Variants in SSC4D observed in about 807,000 individuals in gnomAD.
SSC4D encodes scavenger receptor cysteine rich family member with 4 domains.
Under a neutral mutation model 63.4 loss-of-function variants are expected in SSC4D, and 57 were observed. That is an observed-to-expected ratio of 0.90 (90% CI 0.73 to 1.12). The LOEUF (loss-of-function observed/expected upper bound fraction) is 1.12, where lower values mean the gene tolerates loss of function less well. SSC4D is among the 50% of genes most tolerant of loss of function. The pLI, the probability that SSC4D is intolerant of heterozygous loss-of-function variation, is 0.00. For synonymous variants in SSC4D, 352 were observed against 345.4 expected (o/e 1.02, Z -0.21); for missense variants, 791 against 806.4 (o/e 0.98, Z 0.23).
intron 6 of SSC4D, 108 bp from the exon 7 acceptor site, chr7:76,395,438 T>C (rs2115754339): frequency 8.6e-7 from 1 of 1,158,128 alleles, no homozygotes; most frequent in East Asian, 2.5e-5. Flanking sequence ...AGAGAATAGA[T>C]GTTACTTCCA....
Position 76,389,890 on chromosome 7 carries a change from G to A in SSC4D, c.*169C>T. The A allele has an allele frequency of 1.3e-6, 1 of 777,720 alleles. No homozygotes were observed. The highest frequency in any genetic ancestry group is 1.8e-5 in the South Asian group (1 of 55,238). The allele number at this position is 777,720 out of a possible 1,614,324, so 48.2% of individuals were successfully genotyped here. ...TGAGGTCACGCAGTAAGTGGACGGG[G>A]GTACAGCCAGGCTCCCCCAAGCAGG... On this transcript the variant is annotated 3_prime_UTR_variant, in exon 11 of 11. Transcript: ENST00000275560.
In SSC4D at chr7:76,393,441, A is replaced by G. The variant is rs753662965; in HGVS notation, c.1297T>C (p.Cys433Arg). 6.6e-7 allele frequency: 1 copy of G among 1,518,922 alleles called. No homozygotes were observed. The highest frequency in any genetic ancestry group is 2.0e-5 in the Admixed American group (1 of 49,520). The allele number at this position is 1,518,922 out of a possible 1,614,324, so 94.1% of individuals were successfully genotyped here. ...GCTCCCGCGTCCTCGTGGTGGCCGCAGTTGTGCTGGCCCCAGCCCAGGTGG... is the reference window on the plus strand; with the variant it reads ...GCTCCCGCGTCCTCGTGGTGGCCGCGGTTGTGCTGGCCCCAGCCCAGGTGG... ...CFHLGWGQHNCGHHEDAGALC... is the reference protein window; with the variant it reads ...CFHLGWGQHNRGHHEDAGALC... Residue 433 changes from cysteine to arginine, a missense_variant, in exon 9 of 11, where the codon TGC becomes CGC. Physicochemically the swap from Cys to Arg is radical, Grantham distance 180 (BLOSUM62 -3). Coordinates refer to ENST00000275560, the MANE Select transcript of SSC4D (RefSeq NM_080744.2).
chr7:76,390,517 T>C, intron 10 of SSC4D, 142 bp from the exon 11 acceptor site: 1 of 781,814 alleles, frequency 1.3e-6, no homozygotes, highest in Non-Finnish European at 2.0e-6. Flanking sequence ...ACACATGAAA[T>C]TAAAGTAAGA....
chr7:76,392,686 G>A (rs1049873673), intron 9 of SSC4D, among the ~76,000 whole-genome samples: 4 of 152,098 alleles, frequency 2.6e-5, no homozygotes, highest in African/African-American at 4.8e-5. Flanking sequence ...CAGCTACTCT[G>A]GAGGTTGAGC....
In SSC4D at chr7:76,404,488, A is replaced by T. The variant is rs11773653; in HGVS notation, c.-49T>A. 309,988 of 1,612,872 alleles carry T rather than the reference A, an allele frequency of 0.19. 31,980 individuals are homozygous for T. Among genetic ancestry groups the T allele is most frequent in the Middle Eastern group, 0.24 (1,376 of 5,838 alleles). On this transcript the variant is annotated 5_prime_UTR_variant, in exon 2 of 11. Coordinates refer to ENST00000275560, the MANE Select transcript of SSC4D (RefSeq NM_080744.2). The stretch of plus-strand genomic sequence containing the variant: ...ATGCTCCCATCAAGGCGCCAGGGAG[A>T]AGTCACAGTTGGAACATCTGAAATT...
chr7:76,407,656 C>T (rs559698700), intron 1 of SSC4D, among the ~76,000 whole-genome samples: 13 of 152,034 alleles, frequency 8.6e-5, no homozygotes, highest in Non-Finnish European at 1.9e-4. Flanking sequence ...TCACTTGAGC[C>T]CAGGAGTTCA....
chr7:76,393,895 A>T lies in SSC4D; in HGVS notation c.956T>A (p.Val319Asp). ...AWQTDPSATG[V>D]GPQPSRETAL... is the part of the protein sequence containing the mutation. ...TGTCTCCCGGGAAGGCTGGGGGCCA[A>T]CTCCTGTAGCTGTGGAGACAGGGCA... Residue 319 changes from valine (V) to aspartate (D), a missense_variant, in exon 8 of 11, where the codon GTT (valine) becomes GAT (aspartate). Val to Asp is a radical substitution (Grantham distance 152, BLOSUM62 -3). Transcript: ENST00000275560. The T allele has an allele frequency of 6.2e-7, 1 of 1,603,906 alleles. No individual in the cohort carries two copies. The highest frequency in any genetic ancestry group is 8.5e-7 in the Non-Finnish European group (1 of 1,174,820).
intron 9 of SSC4D, among the ~76,000 whole-genome samples, chr7:76,392,817 T>G (rs1584016017): frequency 6.7e-6 from 1 of 148,406 alleles, no homozygotes. Context: ...AAGAAATAGG[T>G]GTTGTGCCTC....
intron 5 of SSC4D, among the ~76,000 whole-genome samples, chr7:76,398,461 C>T (rs145297129): frequency 0.01 from 1,567 of 152,030 alleles, 33 homozygotes; most frequent in African/African-American, 0.036. Flanking sequence ...TATGCCACCA[C>T]GCCTGGCTAA....
Position 76,393,461 on chromosome 7 carries a change from A to T in SSC4D, c.1277T>A (p.Leu426Gln). Residue 426 changes from leucine (L) to glutamine (Q), a missense_variant, in exon 9 of 11, where the codon CTG becomes CAG. Physicochemically the swap from Leu to Gln is moderately radical, Grantham distance 113 (BLOSUM62 -2). Coordinates refer to ENST00000275560, the MANE Select transcript of SSC4D (RefSeq NM_080744.2). Reference sequence around the variant, plus strand: ...GCCGCAGTTGTGCTGGCCCCAGCCCAGGTGGAAGCAGTCGCTCAGGCGAGC... The same window carrying T: ...GCCGCAGTTGTGCTGGCCCCAGCCCTGGTGGAAGCAGTCGCTCAGGCGAGC... ...TEARLSDCFH[L>Q]GWGQHNCGHH... 6.5e-7 allele frequency: 1 copy of T among 1,535,152 alleles called. No individual in the cohort carries two copies. The highest frequency in any genetic ancestry group is 1.2e-5 in the South Asian group (1 of 83,056).
chr7:76,404,429 T>G lies in SSC4D; in HGVS notation c.11A>C (p.Glu4Ala), dbSNP rs753320618. 2 of 1,614,070 alleles carry G rather than the reference T, an allele frequency of 1.2e-6. No individual in the cohort carries two copies. The highest frequency in any genetic ancestry group is 3.3e-5 in the Admixed American group (2 of 60,006). Residue 4 changes from glutamate to alanine, a missense_variant, in exon 2 of 11, where the codon GAA becomes GCA. By Grantham distance (107) the Glu-to-Ala change is moderately radical. Transcript: ENST00000275560. ...CTGGGGACCAATTAGCATCTCTGCT[T>G]CCTTGTGCATCTAGATGGTGAAGGG... MHK[E>A]AEMLIGPQLD...
In SSC4D at chr7:76,400,489, TC is replaced by T. The variant is rs1804784493; in HGVS notation, c.271del (p.Asp91ThrfsTer4). On this transcript the variant is annotated frameshift_variant, in exon 4 of 11. Transcript: ENST00000275560. LOFTEE classifies it high-confidence loss of function. ...CAGCTGGCGACACACTACGTTGGCGTCCACCACGTCCCAGTCGTCATCACAG... is the reference window on the plus strand; with the variant it reads ...CAGCTGGCGACACACTACGTTGGCGTCACCACGTCCCAGTCGTCATCACAG... ...SVCDDDWDVV[D>X]ANVVCRQLGC... is the part of the protein sequence containing the mutation. 6.2e-7 allele frequency: 1 copy of T among 1,604,348 alleles called. No individual in the cohort carries two copies. The highest frequency in any genetic ancestry group is 8.5e-7 in the Non-Finnish European group (1 of 1,175,264).
Position 76,404,357 on chromosome 7 carries a change from G to T in SSC4D, c.83C>A (p.Ala28Asp). Reference sequence around the variant, plus strand: ...CAGGGCTTGGGGGAGGAAGGGAGGGGCAGCACTCCCATCTCCCAACCTCCA... The same window carrying T: ...CAGGGCTTGGGGGAGGAAGGGAGGGTCAGCACTCCCATCTCCCAACCTCCA... ...WGWRLGDGSA[A>D]PPFLPQALSF... The change falls in exon 2 of 11, where the codon GCC (alanine) becomes GAC (aspartate). Residue 28 changes from alanine (A) to aspartate (D), a missense_variant. Coordinates refer to ENST00000275560, the MANE Select transcript of SSC4D (RefSeq NM_080744.2). The T allele has an allele frequency of 1.9e-6, 3 of 1,613,380 alleles. No individual in the cohort carries two copies. Among genetic ancestry groups the T allele is most frequent in the South Asian group, 1.1e-5 (1 of 91,046 alleles).
intron 9 of SSC4D, 88 bp downstream of exon 9, chr7:76,393,317 G>C (rs1162387756): frequency 5.6e-6 from 7 of 1,249,708 alleles, no homozygotes; most frequent in Non-Finnish European, 7.1e-6. Context: ...AGTGCCGCAA[G>C]AGAGGCCTCG....
chr7:76,404,340 G>C lies in SSC4D; in HGVS notation c.100C>G (p.Gln34Glu). 1 of 1,611,988 alleles carries C rather than the reference G, an allele frequency of 6.2e-7. No homozygotes were observed. The highest frequency in any genetic ancestry group is 2.2e-5 in the East Asian group (1 of 44,848). ...AGGAGGAGAAGGAAAGACAGGGCTT[G>C]GGGGAGGAAGGGAGGGGCAGCACTC... ...DGSAAPPFLPQALSFLLLLPL... is the reference protein window; with the variant it reads ...DGSAAPPFLPEALSFLLLLPL... The change falls in exon 2 of 11, where the codon CAA (glutamine) becomes GAA (glutamate). Residue 34 changes from glutamine to glutamate, a missense_variant. Physicochemically the swap from Gln to Glu is conservative, Grantham distance 29. Coordinates refer to ENST00000275560, the MANE Select transcript of SSC4D (RefSeq NM_080744.2).
intron 5 of SSC4D, 53 bp from the exon 6 acceptor site, chr7:76,397,885 T>C (rs747960570): frequency 1.4e-6 from 2 of 1,455,836 alleles, no homozygotes; most frequent in African/African-American, 1.4e-5. Context: ...TCTGCCCCCG[T>C]CCGCACCGCA....
intron 3 of SSC4D, 73 bp downstream of exon 3, chr7:76,400,935 T>C (rs1804803702): frequency 6.5e-7 from 1 of 1,542,486 alleles, no homozygotes; most frequent in African/African-American, 1.4e-5. Flanking sequence ...CATCACTTCC[T>C]GTGGTTCCCT....
chr7:76,407,246 C>T (rs1459038651), intron 1 of SSC4D, among the ~76,000 whole-genome samples: 2 of 152,164 alleles, frequency 1.3e-5, no homozygotes, highest in Non-Finnish European at 2.9e-5. Context: ...CAGGTGTGAG[C>T]CACCAGGCTT....
rs540476840 is a variant in SSC4D at position 76,397,447 on chromosome 7, T to G, written c.868+71A>C. 1.9e-3 allele frequency: 2,714 copies of G among 1,427,542 alleles called. 3 individuals are homozygous for G. Among genetic ancestry groups the G allele is most frequent in the Admixed American group, 4.9e-3 (169 of 34,742 alleles). The allele number at this position is 1,427,542 out of a possible 1,614,324, so 88.4% of individuals were successfully genotyped here. On this transcript the variant is annotated intron_variant, in intron 6 of 10. Transcript: ENST00000275560. The stretch of plus-strand genomic sequence containing the variant: ...CCCCATCCACCTCCCCACCGAAGCC[T>G]CCTCCTCCAGCATTGCCACAGGGCC...
Sources: gnomAD v4.1 joint callset for allele counts (sites outside exome capture counted in the v4.1 genomes callset) on GRCh38, gnomAD v4.1.1 for gene constraint, MANE v1.5 for transcripts, NCBI Gene and HGNC (gene_info 2026-07-23, HGNC 2026-07-21) for gene names.